Variants in STON2 observed in about 807,000 individuals in gnomAD.
STON2 encodes the protein stonin 2, also known as stonin-2.
A neutral mutation model predicts 65.7 loss-of-function variants in STON2; 29 were observed. The ratio of observed to expected loss-of-function variants is 0.44; its 90% CI spans 0.33 to 0.60. The LOEUF (loss-of-function observed/expected upper bound fraction) is 0.60. Ranked by LOEUF, STON2 falls within the 20% of genes least tolerant of loss-of-function variation. The pLI, the probability that STON2 is intolerant of heterozygous loss-of-function variation, is 0.03. For missense variants in STON2, 1,054 were observed against 1,118.1 expected, an observed-to-expected ratio of 0.94 and a Z score of 0.82; for synonymous variants, 404 against 414.2, an observed-to-expected ratio of 0.98 and a Z score of 0.30.
At chr14:81,430,116 C>G (rs1156781073) in intron 1 of STON2, among the ~76,000 whole-genome samples, 1 of 152,104 alleles carries the variant, frequency 6.6e-6, no homozygotes, top group African/African-American at 2.4e-5. Flanking sequence ...TAGCTAAATC[C>G]TCCTTCTCCA....
At chr14:81,354,479 T>A (rs892303595) in intron 4 of STON2, among the ~76,000 whole-genome samples, 1 of 152,100 alleles carries the variant, frequency 6.6e-6, no homozygotes. Flanking sequence ...TAGGAAATCA[T>A]GACACCTCCA....
chr14:81,311,429 A>T (rs541302896), intron 5 of STON2, among the ~76,000 whole-genome samples: 1 of 152,330 alleles, frequency 6.6e-6, no homozygotes, highest in South Asian at 2.1e-4. Context: ...GAGAAAAGAA[A>T]AGGCTGAATA....
At chr14:81,396,997 G>A (rs1312328293) in intron 2 of STON2, among the ~76,000 whole-genome samples, 2 of 152,148 alleles carry the variant, frequency 1.3e-5, no homozygotes, top group Admixed American at 6.5e-5. Context: ...GGCGGAGGTT[G>A]CAGTGAGCTG....
chr14:81,313,656 A>G (rs1047942976), intron 5 of STON2, among the ~76,000 whole-genome samples: 7 of 151,928 alleles, frequency 4.6e-5, no homozygotes, highest in Non-Finnish European at 2.9e-5. Context: ...TTAGCCAGGT[A>G]TGGTGACGGG....
At chr14:81,305,249 C>T (rs1896126907) in intron 5 of STON2, among the ~76,000 whole-genome samples, 1 of 152,192 alleles carries the variant, frequency 6.6e-6, no homozygotes, top group South Asian at 2.1e-4. Flanking sequence ...ATGCTTGCTT[C>T]TGTCTTGGGT....
chr14:81,276,824 A>C (rs1428982158), intron 6 of STON2, 77 bp downstream of exon 6: 1 of 1,516,506 alleles, frequency 6.6e-7, no homozygotes, highest in Admixed American at 2.0e-5. Flanking sequence ...CAAGCACTTC[A>C]TACAGGATGT....
At chr14:81,378,036 G>A (rs758849045) in intron 3 of STON2, among the ~76,000 whole-genome samples, 5 of 151,828 alleles carry the variant, frequency 3.3e-5, no homozygotes, top group Non-Finnish European at 7.4e-5. Context: ...TAGTAGAGAC[G>A]GAGTTTCACC....
rs552811347 is a variant in STON2, at chr14:81,396,065, G to T, written c.202C>A (p.Gln68Lys). ...GGSQDHSHSE[Q>K]DDSSEKMGLI... is the part of the protein sequence containing the mutation. ...CCCATCTTTTCAGAGGAGTCATCCT[G>T]CTCCGAGTGGGAATGGTCTTGAGAG... The change falls in exon 3 of 8, where the codon CAG (glutamine) becomes AAG (lysine). Residue 68 changes from glutamine to lysine, a missense_variant. Gln to Lys is a moderately conservative substitution (Grantham distance 53). Coordinates refer to ENST00000614646, the MANE Select transcript of STON2 (RefSeq NM_001394390.1). 1.2e-6 allele frequency: 2 copies of T among 1,614,178 alleles called. No individual in the cohort carries two copies. The highest frequency in any genetic ancestry group is 1.7e-5 in the Admixed American group (1 of 60,028).
intron 5 of STON2, among the ~76,000 whole-genome samples, chr14:81,297,570 A>AT (rs2140173301): frequency 6.6e-6 from 1 of 152,340 alleles, no homozygotes; most frequent in Admixed American, 6.5e-5. Context: ...TGAGGACCAA[A>AT]TAAGACATGT....
At chr14:81,289,008 G>A (rs968728409) in intron 5 of STON2, among the ~76,000 whole-genome samples, 1 of 150,256 alleles carries the variant, frequency 6.7e-6, no homozygotes. Context: ...CTCTGCCACA[G>A]AAGTCTCACT....
At chr14:81,364,773 GGCC>G (rs994359531) in intron 4 of STON2, among the ~76,000 whole-genome samples, 5 of 152,084 alleles carry the variant, frequency 3.3e-5, no homozygotes, top group African/African-American at 4.8e-5. Flanking sequence ...GGATCTTTTT[GGCC>G]TCTTGCATGG....
At chr14:81,368,123 C>T (rs1477893729) in intron 4 of STON2, among the ~76,000 whole-genome samples, 3 of 152,134 alleles carry the variant, frequency 2.0e-5, no homozygotes, top group Non-Finnish European at 4.4e-5. Flanking sequence ...TGTATGCATC[C>T]TCTATACATA....
chr14:81,428,798 GTT>G (rs1463126228), intron 1 of STON2, among the ~76,000 whole-genome samples: 5 of 152,126 alleles, frequency 3.3e-5, no homozygotes, highest in Non-Finnish European at 5.9e-5. Context: ...AATAAAATCT[GTT>G]TTCATTTAAA....
At position 81,396,857 on chromosome 14, in the gene STON2, G is replaced by A. The variant is rs1030767373; in HGVS notation, c.89-679C>T. Among the ~76,000 whole-genome samples, 5 of 152,202 alleles carry A rather than the reference G, an allele frequency of 3.3e-5. No homozygotes were observed. In the East Asian group the frequency reaches 7.7e-4, roughly 24 times the overall value. On this transcript the variant is annotated intron_variant, in intron 2 of 7. Transcript: ENST00000614646. ...GTGGATCACCTGAGGTCAGCGGTTC[G>A]AGACCAGCCTGACCAACATGGCAAA...
chr14:81,382,029 C>T (rs1899545629), intron 3 of STON2, among the ~76,000 whole-genome samples: 1 of 151,978 alleles, frequency 6.6e-6, no homozygotes, highest in Admixed American at 6.6e-5. Flanking sequence ...ACCAGCCTGG[C>T]CAACACAGTG....
At position 81,268,312 on chromosome 14, in the gene STON2, G is replaced by C. The variant is rs1022468241; in HGVS notation, c.*102C>G. 1.2e-4 allele frequency: 155 copies of C among 1,259,394 alleles called. No homozygotes were observed. The highest frequency in any genetic ancestry group is 1.5e-4 in the Non-Finnish European group (151 of 975,262). The allele number at this position is 1,259,394 out of a possible 1,614,324, so 78.0% of individuals were successfully genotyped here. ...TCCCAACATGCAGTGGCCACAGCAG[G>C]TATTGACTGCAACTTCAGCTACTCA... On this transcript the variant is annotated 3_prime_UTR_variant, in exon 8 of 8. Transcript: ENST00000614646.
intron 5 of STON2, among the ~76,000 whole-genome samples, chr14:81,305,942 GAAGATAGTGGTACTC>G (rs1234236824): frequency 1.3e-5 from 2 of 152,004 alleles, no homozygotes; most frequent in African/African-American, 4.8e-5. Flanking sequence ...GCTCATTCAT[GAAGATAGTGGTACTC>G]AGCAAAAACC....
At chr14:81,284,456 C>G (rs1048365185) in intron 5 of STON2, among the ~76,000 whole-genome samples, 1 of 152,116 alleles carries the variant, frequency 6.6e-6, no homozygotes, top group Non-Finnish European at 1.5e-5. Context: ...GGCCCTACCT[C>G]TCATCAATTC....
At chr14:81,415,410 A>T (rs1901379535) in intron 2 of STON2, among the ~76,000 whole-genome samples, 1 of 152,114 alleles carries the variant, frequency 6.6e-6, no homozygotes, top group South Asian at 2.1e-4. Context: ...CTGTTCACAG[A>T]CAATTCATTG....
Sources: allele counts gnomAD v4.1 joint callset (sites outside exome capture counted in the v4.1 genomes callset), GRCh38; gene constraint gnomAD v4.1.1; transcripts MANE v1.5; gene names NCBI Gene and HGNC (gene_info 2026-07-23, HGNC 2026-07-21).